Variants in SYAP1 observed in about 807,000 individuals in gnomAD.
SYAP1 encodes synapse-associated protein 1.
A neutral mutation model predicts 29.6 loss-of-function variants in SYAP1; 3 were observed. That is an observed-to-expected ratio of 0.10 (90% CI 0.05 to 0.26). The LOEUF (loss-of-function observed/expected upper bound fraction) is 0.26, where lower values mean the gene tolerates loss of function less well. SYAP1 is among the 10% of genes least tolerant of loss of function. The pLI is 1.00. For synonymous variants in SYAP1, 102 were observed against 102.7 expected, an observed-to-expected ratio of 0.99 and a Z score of 0.04; for missense variants, 217 against 264.1, an observed-to-expected ratio of 0.82 and a Z score of 1.24.
intron 1 of SYAP1, among the ~76,000 whole-genome samples, chrX:16,729,048 A>G (rs1379693447): frequency 1.1e-5 from 1 of 88,064 alleles, no homozygotes; most frequent in East Asian, 4.8e-4. Context: ...CGAAAAAAAA[A>G]AAAGAAAAAA....
At chrX:16,735,396 C>A (rs745695620) in intron 2 of SYAP1, 51 bp downstream of exon 2, 3 of 773,862 alleles carry the variant, frequency 3.9e-6, no homozygotes, top group Middle Eastern at 3.5e-4. Context: ...TCATTGTTTC[C>A]TCTTGATGGT....
At position 16,763,083 on chromosome X, in the gene SYAP1, T is replaced by C. The variant is rs1285503503; in HGVS notation, c.*2724T>C. On this transcript the variant is annotated 3_prime_UTR_variant, in exon 9 of 9. Coordinates refer to ENST00000380155, the MANE Select transcript of SYAP1 (RefSeq NM_032796.4). ...CAGGCAGATTGCTTGAGCTCAGGAG[T>C]TCAAGACCAGCCTGGGCAACATAGG... is the stretch of plus-strand genomic sequence containing the variant. 9.2e-6 allele frequency: 1 copy of C among 108,350 alleles called. No individual in the cohort carries two copies. The highest frequency in any genetic ancestry group is 1.9e-5 in the Non-Finnish European group (1 of 52,253). The allele number at this position is 108,350 out of a possible 1,213,427, so 8.9% of individuals were successfully genotyped here. A position where few individuals can be genotyped will look rare whatever the true frequency, so the allele number is the denominator to read the frequency against.
At chrX:16,742,143 G>GTT (rs144175479) in intron 4 of SYAP1, among the ~76,000 whole-genome samples, 940 of 41,851 alleles carry the variant, frequency 0.022, 173 homozygotes, top group African/African-American at 0.085. Flanking sequence ...TTTTTGTGTG[G>GTT]TTTTTTTTTT....
At chrX:16,749,402 G>A (rs893925674) in intron 5 of SYAP1, among the ~76,000 whole-genome samples, 7 of 111,236 alleles carry the variant, frequency 6.3e-5, no homozygotes, top group Non-Finnish European at 9.4e-5. Flanking sequence ...ACCTTTAGTC[G>A]TCATCTGTAT....
At chrX:16,742,059 G>A (rs1033239608) in intron 4 of SYAP1, among the ~76,000 whole-genome samples, 11 of 106,709 alleles carry the variant, frequency 1.0e-4, no homozygotes, top group African/African-American at 3.8e-4. Flanking sequence ...TCCACCACCC[G>A]GGTTCAAATG....
rs1408450660 is a variant in SYAP1, at chrX:16,719,704, C to G, written c.-21C>G. ...CTGCGGTCTCTGGGGATCGGGACCG[C>G]GGCGGCGGCCCGCGAGCGGGATGTT... On this transcript the variant is annotated 5_prime_UTR_variant, in exon 1 of 9. Transcript: ENST00000380155. The G allele has an allele frequency of 2.5e-6, 3 of 1,200,655 alleles. No individual in the cohort carries two copies. Among genetic ancestry groups the G allele is most frequent in the Non-Finnish European group, 3.4e-6 (3 of 891,134 alleles).
intron 1 of SYAP1, among the ~76,000 whole-genome samples, chrX:16,721,591 G>T (rs2147413184): frequency 8.9e-6 from 1 of 111,798 alleles, no homozygotes; most frequent in South Asian, 3.7e-4. Context: ...GCAATGGCAC[G>T]ATCTCGGCTC....
At chrX:16,755,340 T>A (rs780772096) in intron 6 of SYAP1, among the ~76,000 whole-genome samples, 2 of 110,180 alleles carry the variant, frequency 1.8e-5, no homozygotes, top group Admixed American at 9.8e-5. Flanking sequence ...TTTTTTTTTT[T>A]AGACACGGGT....
At chrX:16,754,556 C>T (rs926629662) in intron 5 of SYAP1, among the ~76,000 whole-genome samples, 2 of 110,714 alleles carry the variant, frequency 1.8e-5, no homozygotes, top group Middle Eastern at 4.6e-3. Context: ...TGTGAAACCC[C>T]GTCTCTACTA....
rs1367779936 is a variant in SYAP1, at chrX:16,752,572, G to A, written c.576-2373G>A. Reference sequence around the variant, plus strand: ...CAAATTAGGAAATGATCATTTACACGTTATTACCATCTCACTCTCAGACCC... The same window carrying A: ...CAAATTAGGAAATGATCATTTACACATTATTACCATCTCACTCTCAGACCC... On this transcript the variant is annotated intron_variant, in intron 5 of 8. Transcript: ENST00000380155. Among the ~76,000 whole-genome samples, 3 of 109,572 alleles carry A rather than the reference G, an allele frequency of 2.7e-5. No individual in the cohort carries two copies. In the East Asian group the frequency reaches 8.6e-4, roughly 31 times the overall value.
intron 1 of SYAP1, among the ~76,000 whole-genome samples, chrX:16,726,084 T>G (rs1734038872): frequency 9.0e-6 from 1 of 111,598 alleles, no homozygotes; most frequent in Non-Finnish European, 1.9e-5. Flanking sequence ...GGAAGAGAGT[T>G]TTTATTTCTG....
chrX:16,720,869 C>T (rs1397074017), intron 1 of SYAP1, among the ~76,000 whole-genome samples: 5 of 110,180 alleles, frequency 4.5e-5, no homozygotes, highest in Non-Finnish European at 9.5e-5. Flanking sequence ...AAAAAATAGC[C>T]GGGCGTGGTG....
chrX:16,736,222 AAAG>A lies in SYAP1; in HGVS notation c.355_357del (p.Lys119del). ...AAAAATTTGTTGAAGAGCAACATAC[AAAG>A]AAGTCAGGTATGGTATAGGTTTGTC... is the stretch of plus-strand genomic sequence containing the variant. On this transcript the variant is annotated inframe_deletion, in exon 3 of 9. Transcript: ENST00000380155. 8.4e-7 allele frequency: 1 copy of A among 1,188,566 alleles called. No individual in the cohort carries two copies. The highest frequency in any genetic ancestry group is 1.1e-6 in the Non-Finnish European group (1 of 874,412).
At chrX:16,754,752 A>T (rs771116644) in intron 5 of SYAP1, among the ~76,000 whole-genome samples, 193 bp from the exon 6 acceptor site, 33 of 110,797 alleles carry the variant, frequency 3.0e-4, no homozygotes, top group Non-Finnish European at 3.8e-5. Flanking sequence ...GTTAAAGCCA[A>T]TATGAACCCC....
rs547729730 is a variant in SYAP1 at position 16,736,717 on chromosome X, G to A, written c.361+485G>A. 4.7e-4 allele frequency among the ~76,000 whole-genome samples: 53 copies of A among 111,606 alleles called. No individual in the cohort carries two copies. In the South Asian group the frequency reaches 8.2e-3, roughly 17 times the overall value. On this transcript the variant is annotated intron_variant, in intron 3 of 8. Coordinates refer to ENST00000380155, the MANE Select transcript of SYAP1 (RefSeq NM_032796.4). ...GTAGAAACGGGGTTTTACCATGTTG[G>A]CAGGCTGGTCTCGAACTCCTGACCT...
chrX:16,754,458 G>A (rs1016128211), intron 5 of SYAP1, among the ~76,000 whole-genome samples: 26 of 111,790 alleles, frequency 2.3e-4, no homozygotes, highest in Non-Finnish European at 2.8e-4. Flanking sequence ...GGCTGGGTGC[G>A]GTGGCTCACG....
At chrX:16,744,105 A>G (rs894622783) in intron 5 of SYAP1, among the ~76,000 whole-genome samples, 1 of 112,443 alleles carries the variant, frequency 8.9e-6, no homozygotes, top group Non-Finnish European at 1.9e-5. Context: ...AACATGCTGC[A>G]TCACCCTGAA....
intron 3 of SYAP1, among the ~76,000 whole-genome samples, chrX:16,740,185 T>C (rs1057189113): frequency 2.7e-5 from 3 of 111,269 alleles, no homozygotes; most frequent in African/African-American, 9.8e-5. Flanking sequence ...ATTTGTCACC[T>C]GGCACGGCAC....
At chrX:16,741,852 A>G in intron 4 of SYAP1, 63 bp downstream of exon 4, 1 of 791,696 alleles carries the variant, frequency 1.3e-6, no homozygotes, top group South Asian at 2.6e-5. Flanking sequence ...ATCTCTGTTG[A>G]TGTGACTTTA....
Sources: gnomAD v4.1 joint callset for allele counts (sites outside exome capture counted in the v4.1 genomes callset) on GRCh38, gnomAD v4.1.1 for gene constraint, MANE v1.5 for transcripts, NCBI Gene and HGNC (gene_info 2026-07-23, HGNC 2026-07-21) for gene names.